The following ARID4A variants were observed in gnomAD, a reference collection of about 807,000 sequenced individuals.
The protein encoded by ARID4A is AT-rich interaction domain 4A.
In ARID4A, 39 loss-of-function variants were observed where a neutral mutation model predicts 148.6. The observed-to-expected ratio is 0.26, with a 90% CI of 0.20 to 0.34. ARID4A has a LOEUF of 0.34. Among genes scored for constraint, ARID4A ranks in the 10% least tolerant of loss-of-function variants. The pLI, the probability that ARID4A is intolerant of heterozygous loss-of-function variation, is 1.00. For missense variants in ARID4A, 1,265 were observed against 1,449.1 expected (o/e 0.87, Z 2.06); for synonymous variants, 475 against 481.2 (o/e 0.99, Z 0.17).
intron 3 of ARID4A, among the ~76,000 whole-genome samples, chr14:58,302,701 TC>T (rs1467481011): frequency 6.6e-6 from 1 of 151,972 alleles, no homozygotes; most frequent in Non-Finnish European, 1.5e-5. Context: ...ACACCTGCAG[TC>T]CCAGCACTTG....
chr14:58,372,534 G>A lies in ARID4A; in HGVS notation c.*545G>A, dbSNP rs575508637. 4.7e-5 allele frequency: 10 copies of A among 214,090 alleles called. No individual in the cohort carries two copies. Among genetic ancestry groups the A allele is most frequent in the Admixed American group, 1.8e-4 (3 of 17,128 alleles). The allele number at this position is 214,090 out of a possible 1,614,324, so 13.3% of individuals were successfully genotyped here. A position where few individuals can be genotyped will look rare whatever the true frequency, so the allele number is the denominator to read the frequency against. On this transcript the variant is annotated 3_prime_UTR_variant, in exon 24 of 24. Transcript: ENST00000355431. ...TGCCCAGGATTGAAGGTGTAAATGG[G>A]ACAAAATAAATTGTGAAAGGAAGTG...
chr14:58,323,161 T>TA (rs905599033), intron 7 of ARID4A, among the ~76,000 whole-genome samples: 210 of 144,126 alleles, frequency 1.5e-3, no homozygotes, highest in African/African-American at 4.2e-3. Context: ...AGGGCAATCT[T>TA]AAAAAAAAAA....
chr14:58,337,427 A>G (rs1460052274), intron 11 of ARID4A, among the ~76,000 whole-genome samples: 1 of 151,660 alleles, frequency 6.6e-6, no homozygotes, highest in Non-Finnish European at 1.5e-5. Context: ...CTATCAACAC[A>G]GAGCTTGCTT....
intron 11 of ARID4A, among the ~76,000 whole-genome samples, chr14:58,344,277 T>C (rs1291838725): frequency 4.6e-5 from 7 of 152,162 alleles, no homozygotes; most frequent in Non-Finnish European, 8.8e-5. Flanking sequence ...ACTATGTTTA[T>C]ATGAAAATTA....
intron 23 of ARID4A, among the ~76,000 whole-genome samples, chr14:58,367,800 C>T (rs569884869): frequency 2.0e-5 from 3 of 152,286 alleles, no homozygotes; most frequent in Admixed American, 6.5e-5. Context: ...ATGACCACAA[C>T]AGACAAGAAA....
At chr14:58,342,774 G>A (rs1285765215) in intron 11 of ARID4A, among the ~76,000 whole-genome samples, 1 of 152,150 alleles carries the variant, frequency 6.6e-6, no homozygotes, top group Non-Finnish European at 1.5e-5. Flanking sequence ...TTAGCCAGGT[G>A]TGGTGGTGCA....
In ARID4A at chr14:58,347,750, G is replaced by A. The variant is rs1220581666; in HGVS notation, c.1276G>A (p.Glu426Lys). 11 of 1,613,552 alleles carry A rather than the reference G, an allele frequency of 6.8e-6. No individual in the cohort carries two copies. The highest frequency in any genetic ancestry group is 1.3e-5 in the African/African-American group (1 of 74,884). ...KVKEEKKDLE[E>K]SMEEALKLDQ... ...AAAAGAGGAAAAAAAAGACTTAGAA[G>A]AATCAATGGAAGAGGCTCTCAAATT... Residue 426 changes from glutamate to lysine, a missense_variant, in exon 15 of 24, where the codon GAA becomes AAA. Physicochemically the swap from Glu to Lys is moderately conservative, Grantham distance 56 (BLOSUM62 1). This residue lies in a region of ARID4A where 205 missense variants were observed against 196.9 expected (regional missense o/e 1.04). Transcript: ENST00000355431.
chr14:58,365,495 T>G (rs1440952705), intron 20 of ARID4A, 23 bp from the exon 21 acceptor site: 3 of 653,928 alleles, frequency 4.6e-6, no homozygotes, highest in Non-Finnish European at 7.6e-6. Flanking sequence ...TTTTTCAACA[T>G]TCTCTCTTTC....
intron 16 of ARID4A, among the ~76,000 whole-genome samples, chr14:58,351,842 A>G (rs1376701640): frequency 2.0e-5 from 3 of 152,182 alleles, no homozygotes; most frequent in Non-Finnish European, 4.4e-5. Flanking sequence ...TCACACCAAT[A>G]AATTTCAGAT....
chr14:58,331,929 A>G (rs939009288), intron 11 of ARID4A, among the ~76,000 whole-genome samples: 8 of 151,682 alleles, frequency 5.3e-5, no homozygotes, highest in Non-Finnish European at 7.4e-5. Flanking sequence ...AATATTGAAG[A>G]AAGATTAGTC....
intron 11 of ARID4A, among the ~76,000 whole-genome samples, chr14:58,332,239 G>C (rs573032418): frequency 6.6e-6 from 1 of 152,150 alleles, no homozygotes; most frequent in East Asian, 1.9e-4. Context: ...AATTTTTAAA[G>C]ATAAGGAAGC....
chr14:58,308,099 A>G (rs1490665622), intron 5 of ARID4A, among the ~76,000 whole-genome samples: 1 of 152,194 alleles, frequency 6.6e-6, no homozygotes, highest in Non-Finnish European at 1.5e-5. Context: ...TAGTTATTCA[A>G]TTATGAATAG....
chr14:58,334,638 C>T (rs758040967), intron 11 of ARID4A, among the ~76,000 whole-genome samples: 19 of 152,110 alleles, frequency 1.2e-4, no homozygotes, highest in Admixed American at 6.6e-4. Flanking sequence ...GCTTCAGATG[C>T]GAGCATGCTG....
At chr14:58,339,843 G>GGAGAGA (rs35021584) in intron 11 of ARID4A, among the ~76,000 whole-genome samples, 6 of 142,304 alleles carry the variant, frequency 4.2e-5, no homozygotes, top group African/African-American at 1.3e-4. Flanking sequence ...CGTGGCAACA[G>GGAGAGA]GAGAGAGAGA....
chr14:58,368,620 G>C (rs1485056272), intron 23 of ARID4A, among the ~76,000 whole-genome samples: 2 of 152,068 alleles, frequency 1.3e-5, no homozygotes, highest in Non-Finnish European at 2.9e-5. Context: ...ATTCTTAATA[G>C]TTAATCCAAG....
At chr14:58,312,940 GT>G (rs2032152258) in intron 5 of ARID4A, among the ~76,000 whole-genome samples, 1 of 152,178 alleles carries the variant, frequency 6.6e-6, no homozygotes, top group Non-Finnish European at 1.5e-5. Context: ...CTATCTTTCA[GT>G]ATCAGTGCTG....
intron 5 of ARID4A, among the ~76,000 whole-genome samples, chr14:58,308,551 A>G (rs2031781571): frequency 6.6e-6 from 1 of 152,270 alleles, no homozygotes; most frequent in Admixed American, 6.5e-5. Flanking sequence ...AGAAAACTCA[A>G]GATAGCACTG....
chr14:58,342,458 A>G (rs1296105285), intron 11 of ARID4A, among the ~76,000 whole-genome samples: 3 of 152,242 alleles, frequency 2.0e-5, no homozygotes, highest in Admixed American at 2.0e-4. Context: ...TATTCTTAAC[A>G]TTAAAAATTT....
intron 15 of ARID4A, among the ~76,000 whole-genome samples, chr14:58,349,911 C>A (rs1317282314): frequency 6.6e-6 from 1 of 151,848 alleles, no homozygotes; most frequent in African/African-American, 2.4e-5. Context: ...GAGATCAAGA[C>A]CATCCTGGCC....
Sources: allele counts gnomAD v4.1 joint callset (sites outside exome capture counted in the v4.1 genomes callset), GRCh38; gene constraint gnomAD v4.1.1; regional missense constraint gnomAD v4.1.1; transcripts MANE v1.5; gene names NCBI Gene and HGNC (gene_info 2026-07-23, HGNC 2026-07-21).